Variants in STK39 observed in about 807,000 individuals in gnomAD.
STK39 encodes the protein STE20/SPS1-related proline-alanine-rich protein kinase.
A neutral mutation model predicts 77.8 loss-of-function variants in STK39; 20 were observed. The observed-to-expected ratio is 0.26, with a 90% confidence interval of 0.18 to 0.37. STK39 has a LOEUF of 0.37. Among genes scored for constraint, STK39 ranks in the 10% least tolerant of loss-of-function variants. The pLI is 1.00. For synonymous variants in STK39, 246 were observed against 234.1 expected (o/e 1.05, Z -0.47); for missense variants, 479 against 656.5 (o/e 0.73, Z 2.95).
chr2:168,085,633 G>C (rs1039253986), intron 10 of STK39, among the ~76,000 whole-genome samples: 1 of 152,196 alleles, frequency 6.6e-6, no homozygotes, highest in South Asian at 2.1e-4. Flanking sequence ...AAGCTCAAGA[G>C]CATATTTTAG....
At chr2:168,069,384 G>A (rs934144391) in intron 12 of STK39, among the ~76,000 whole-genome samples, 5 of 152,226 alleles carry the variant, frequency 3.3e-5, no homozygotes, top group Admixed American at 6.5e-5. Flanking sequence ...CCCAGAATTA[G>A]GAAACAGAAA....
At chr2:168,156,496 C>T (rs16854909) in intron 5 of STK39, among the ~76,000 whole-genome samples, 8,369 of 152,234 alleles carry the variant, frequency 0.055, 593 homozygotes, top group East Asian at 0.23. Flanking sequence ...CAAAATAACA[C>T]GGCAGGAGGT....
At chr2:168,154,216 A>G (rs1279486757) in intron 5 of STK39, among the ~76,000 whole-genome samples, 1 of 152,248 alleles carries the variant, frequency 6.6e-6, no homozygotes, top group Non-Finnish European at 1.5e-5. Flanking sequence ...TCCCACTAAA[A>G]GAACTGGGAA....
chr2:168,043,983 G>C (rs754193885), intron 14 of STK39, among the ~76,000 whole-genome samples: 5 of 152,184 alleles, frequency 3.3e-5, no homozygotes, highest in Non-Finnish European at 7.3e-5. Flanking sequence ...GATTTAGCTA[G>C]AGGAAAGCAA....
At chr2:167,988,044 G>A (rs1214901488) in intron 16 of STK39, among the ~76,000 whole-genome samples, 1 of 152,122 alleles carries the variant, frequency 6.6e-6, no homozygotes, top group Non-Finnish European at 1.5e-5. Flanking sequence ...AGCTTGGGAG[G>A]GACAGAGGCA....
At chr2:168,116,600 G>A (rs1269933968) in intron 10 of STK39, among the ~76,000 whole-genome samples, 1 of 151,966 alleles carries the variant, frequency 6.6e-6, no homozygotes. Context: ...GCAGACTCCC[G>A]ACCCCCAACA....
chr2:168,216,892 A>G (rs1360568745), intron 1 of STK39, among the ~76,000 whole-genome samples: 1 of 152,142 alleles, frequency 6.6e-6, no homozygotes, highest in Non-Finnish European at 1.5e-5. Context: ...CATACCAGGA[A>G]GCTTTACCCA....
chr2:167,990,276 AT>A, intron 16 of STK39, among the ~76,000 whole-genome samples: 1 of 152,124 alleles, frequency 6.6e-6, no homozygotes, highest in African/African-American at 2.4e-5. Flanking sequence ...ACCAAATGAC[AT>A]TTTGGCAAGA....
intron 12 of STK39, among the ~76,000 whole-genome samples, chr2:168,066,623 G>C (rs899325754): frequency 6.6e-6 from 1 of 152,170 alleles, no homozygotes; most frequent in Non-Finnish European, 1.5e-5. Context: ...ACTGTAACCT[G>C]AAAAACCTTA....
At chr2:168,028,891 C>CATCATGTCT (rs903894504) in intron 14 of STK39, among the ~76,000 whole-genome samples, 3 of 152,152 alleles carry the variant, frequency 2.0e-5, no homozygotes, top group Non-Finnish European at 4.4e-5. Flanking sequence ...GGGACCCAGA[C>CATCATGTCT]ATCATGTCTT....
chr2:167,979,266 T>A (rs1441073304), intron 16 of STK39, among the ~76,000 whole-genome samples: 1 of 152,120 alleles, frequency 6.6e-6, no homozygotes, highest in Non-Finnish European at 1.5e-5. Context: ...TTTTCCAGAG[T>A]GATTGTACCA....
chr2:168,018,287 G>A (rs1432911670), intron 14 of STK39, among the ~76,000 whole-genome samples: 1 of 152,056 alleles, frequency 6.6e-6, no homozygotes, highest in East Asian at 1.9e-4. Context: ...ATCACTTGAG[G>A]TTAGGAGTTC....
intron 1 of STK39, among the ~76,000 whole-genome samples, chr2:168,237,280 T>C (rs1297071838): frequency 1.3e-5 from 2 of 152,232 alleles, no homozygotes; most frequent in Admixed American, 6.5e-5. Context: ...CTTGTGATTT[T>C]TGCACATTGA....
intron 13 of STK39, among the ~76,000 whole-genome samples, chr2:168,064,761 T>G (rs1291705029): frequency 6.6e-6 from 1 of 152,260 alleles, no homozygotes; most frequent in East Asian, 1.9e-4. Context: ...AATGCAGGCC[T>G]GTGCTCTGGT....
Position 168,167,358 on chromosome 2 carries a change from T to C in STK39, c.371A>G (p.Tyr124Cys). The change falls in exon 3 of 18, where the codon TAT becomes TGT. Residue 124 changes from tyrosine (Y) to cysteine (C), a missense_variant. By Grantham distance (194) the Tyr-to-Cys change is radical. This residue lies in a region of STK39 where 139 missense variants were observed against 280.6 expected (regional missense o/e 0.50). Transcript: ENST00000355999. ...ATCTTTGACCACAAAAGAGGTGTAA[T>C]AGGTCACTACGTTGGGATGGCTGCA... The part of the protein sequence containing the change: ...SQCSHPNVVT[Y>C]YTSFVVKDEL... 6.2e-7 allele frequency: 1 copy of C among 1,613,734 alleles called. No homozygotes were observed. The highest frequency in any genetic ancestry group is 8.5e-7 in the Non-Finnish European group (1 of 1,179,786).
intron 14 of STK39, among the ~76,000 whole-genome samples, chr2:168,048,338 G>A (rs1685300576): frequency 6.6e-6 from 1 of 151,512 alleles, no homozygotes; most frequent in African/African-American, 2.4e-5. Flanking sequence ...TCAGCCTCCT[G>A]AGTAGCTGGG....
chr2:167,965,527 T>C (rs1348925789), intron 16 of STK39, among the ~76,000 whole-genome samples: 1 of 152,214 alleles, frequency 6.6e-6, no homozygotes, highest in Non-Finnish European at 1.5e-5. Flanking sequence ...AGGGTACTGC[T>C]AATGAACAGA....
At chr2:168,030,628 C>T (rs902803874) in intron 14 of STK39, among the ~76,000 whole-genome samples, 2 of 152,160 alleles carry the variant, frequency 1.3e-5, no homozygotes, top group Admixed American at 1.3e-4. Context: ...AAGCAGAATC[C>T]CCCTGACTTT....
chr2:167,998,828 C>G (rs1250974059), intron 16 of STK39, among the ~76,000 whole-genome samples: 1 of 152,190 alleles, frequency 6.6e-6, no homozygotes, highest in Non-Finnish European at 1.5e-5. Context: ...CTCAAGTCCT[C>G]CAGGATGATT....
Sources: gnomAD v4.1 joint callset for allele counts (sites outside exome capture counted in the v4.1 genomes callset) on GRCh38, gnomAD v4.1.1 for gene constraint, gnomAD v4.1.1 regional missense constraint, MANE v1.5 for transcripts, NCBI Gene and HGNC (gene_info 2026-07-23, HGNC 2026-07-21) for gene names.